The following UNC13C variants were observed in gnomAD, a reference collection of about 807,000 sequenced individuals.
UNC13C encodes the protein protein unc-13 homolog C.
In UNC13C, 174 loss-of-function variants were observed where a neutral mutation model predicts 245.4. The observed-to-expected ratio is 0.71, with a 90% CI of 0.63 to 0.80. The LOEUF (loss-of-function observed/expected upper bound fraction) is 0.80, where lower values mean the gene tolerates loss of function less well. Ranked by LOEUF, UNC13C falls within the 30% of genes least tolerant of loss-of-function variation. The pLI, the probability that UNC13C is intolerant of heterozygous loss-of-function variation, is 0.00. For missense variants in UNC13C, 2,829 were observed against 2,602.9 expected, an observed-to-expected ratio of 1.09 and a Z score of -1.89; for synonymous variants, 992 against 895.1, an observed-to-expected ratio of 1.11 and a Z score of -1.93.
chr15:54,374,512 G>A (rs978020878), intron 17 of UNC13C, among the ~76,000 whole-genome samples: 1 of 152,226 alleles, frequency 6.6e-6, no homozygotes, highest in African/African-American at 2.4e-5. Flanking sequence ...CAGTGCCCAG[G>A]CTTAGTCTCA....
intron 4 of UNC13C, among the ~76,000 whole-genome samples, chr15:54,186,746 G>A (rs1452988161): frequency 6.6e-6 from 1 of 151,614 alleles, no homozygotes; most frequent in East Asian, 1.9e-4. Flanking sequence ...CAGTGGAGAA[G>A]TAAGTGTGTC....
chr15:53,883,315 C>G, the UNC13C span, among the ~76,000 whole-genome samples: 1 of 152,224 alleles, frequency 6.6e-6, no homozygotes, highest in Admixed American at 6.5e-5. Flanking sequence ...ATTTTCACTT[C>G]TGACATCAAA....
At chr15:54,562,507 G>A (rs968517453) in intron 29 of UNC13C, among the ~76,000 whole-genome samples, 6 of 151,802 alleles carry the variant, frequency 4.0e-5, no homozygotes, top group Admixed American at 1.3e-4. Flanking sequence ...ATGGTCTTCC[G>A]GCCACCACTT....
At chr15:53,857,729 GA>G in the UNC13C span, among the ~76,000 whole-genome samples, 2 of 152,274 alleles carry the variant, frequency 1.3e-5, no homozygotes, top group East Asian at 3.9e-4. Context: ...ATTATGCAGA[GA>G]AAAGATTCCA....
At chr15:53,977,731 CT>C (rs1035474613), upstream of UNC13C, among the ~76,000 whole-genome samples, 3 of 152,146 alleles carry the variant, frequency 2.0e-5, no homozygotes, top group Non-Finnish European at 4.4e-5. Context: ...GGAACTGTTA[CT>C]CCCCCCACCT....
At chr15:54,287,719 A>G (rs1384661810) in intron 10 of UNC13C, among the ~76,000 whole-genome samples, 1 of 152,162 alleles carries the variant, frequency 6.6e-6, no homozygotes, top group Non-Finnish European at 1.5e-5. Flanking sequence ...GTCCATCTCT[A>G]GTTGCAGGAG....
chr15:54,085,436 G>C (rs2141125489), intron 2 of UNC13C, among the ~76,000 whole-genome samples: 1 of 152,096 alleles, frequency 6.6e-6, no homozygotes, highest in South Asian at 2.1e-4. Flanking sequence ...TTTGCTCCAG[G>C]CCAGACTTCT....
chr15:54,009,381 A>G (rs1419765391), intron 1 of UNC13C, among the ~76,000 whole-genome samples: 1 of 152,192 alleles, frequency 6.6e-6, no homozygotes, highest in East Asian at 1.9e-4. Flanking sequence ...CAGCACTAGT[A>G]ATTAATATTT....
chr15:54,450,492 C>G (rs778022144), intron 19 of UNC13C, among the ~76,000 whole-genome samples: 1 of 152,216 alleles, frequency 6.6e-6, no homozygotes, highest in Non-Finnish European at 1.5e-5. Flanking sequence ...TCTCCAGCCT[C>G]GCTGCTGCCT....
intron 2 of UNC13C, among the ~76,000 whole-genome samples, chr15:54,026,344 A>G (rs1896108026): frequency 6.6e-6 from 1 of 152,222 alleles, no homozygotes; most frequent in Admixed American, 6.5e-5. Context: ...TGACAGGCCC[A>G]GGATTTCTGA....
At chr15:54,572,053 C>T (rs991269775) in intron 30 of UNC13C, among the ~76,000 whole-genome samples, 3 of 152,044 alleles carry the variant, frequency 2.0e-5, no homozygotes, top group Non-Finnish European at 2.9e-5. Context: ...GGGATCCCTC[C>T]CCAGGCAGAC....
chr15:54,369,955 CT>C (rs1367639153), intron 17 of UNC13C, among the ~76,000 whole-genome samples: 1 of 152,032 alleles, frequency 6.6e-6, no homozygotes, highest in Non-Finnish European at 1.5e-5. Context: ...ACATACTCTC[CT>C]TGTGTTTTTA....
chr15:54,019,602 T>C (rs929065722), intron 2 of UNC13C, among the ~76,000 whole-genome samples: 2 of 152,194 alleles, frequency 1.3e-5, no homozygotes, highest in South Asian at 4.1e-4. Flanking sequence ...ATAGTTTTCC[T>C]AGCAGAAGAC....
intron 4 of UNC13C, among the ~76,000 whole-genome samples, chr15:54,222,625 G>T (rs1294424115): frequency 6.6e-6 from 1 of 151,922 alleles, no homozygotes; most frequent in Non-Finnish European, 1.5e-5. Flanking sequence ...GAGATTGCTG[G>T]GTCATATGGT....
chr15:53,933,937 T>C, the UNC13C span, among the ~76,000 whole-genome samples: 1 of 152,188 alleles, frequency 6.6e-6, no homozygotes, highest in African/African-American at 2.4e-5. Context: ...AGAGTTTTAA[T>C]TGGCTCATGG....
intron 22 of UNC13C, among the ~76,000 whole-genome samples, chr15:54,505,288 C>T (rs1894422452): frequency 6.6e-6 from 1 of 152,180 alleles, no homozygotes; most frequent in Admixed American, 6.6e-5. Context: ...GTGCCCCGTC[C>T]ATCACAGCTT....
the UNC13C span, among the ~76,000 whole-genome samples, chr15:53,960,307 G>A: frequency 6.6e-6 from 1 of 151,240 alleles, no homozygotes; most frequent in Non-Finnish European, 1.5e-5. Context: ...AACCAAGTCT[G>A]AAGACTTATG....
chr15:54,087,306 A>G (rs555415351), intron 2 of UNC13C, among the ~76,000 whole-genome samples: 8 of 152,262 alleles, frequency 5.3e-5, no homozygotes, highest in Non-Finnish European at 1.2e-4. Flanking sequence ...TATACTTTCT[A>G]TCATATCAGT....
chr15:54,454,945 G>A (rs1891394215), intron 19 of UNC13C, among the ~76,000 whole-genome samples: 1 of 151,630 alleles, frequency 6.6e-6, no homozygotes, highest in African/African-American at 2.4e-5. Flanking sequence ...CACCAAAACT[G>A]TAGTCTTTTA....
Sources: allele counts gnomAD v4.1 joint callset (sites outside exome capture counted in the v4.1 genomes callset), GRCh38; gene constraint gnomAD v4.1.1; transcripts MANE v1.5; gene names NCBI Gene and HGNC (gene_info 2026-07-23, HGNC 2026-07-21).